The following RCBTB2 variants were observed in gnomAD, a reference collection of about 807,000 sequenced individuals.
RCBTB2 encodes the protein RCC1 and BTB domain-containing protein 2.
A neutral mutation model predicts 65.4 loss-of-function variants in RCBTB2; 55 were observed. That is an observed-to-expected ratio of 0.84 (90% CI 0.68 to 1.05). RCBTB2 has a LOEUF of 1.05. RCBTB2 is among the 50% of genes least tolerant of loss of function. The pLI is 0.00. For missense variants in RCBTB2, 599 were observed against 680.1 expected, an observed-to-expected ratio of 0.88 and a Z score of 1.33; for synonymous variants, 220 against 255.2, an observed-to-expected ratio of 0.86 and a Z score of 1.31.
chr13:48,502,214 C>T (rs1950268555), intron 11 of RCBTB2, among the ~76,000 whole-genome samples: 1 of 152,132 alleles, frequency 6.6e-6, no homozygotes, highest in Non-Finnish European at 1.5e-5. Context: ...AAGGATAGGG[C>T]ACAATGGCTC....
At chr13:48,498,077 C>T (rs1243310781) in intron 13 of RCBTB2, among the ~76,000 whole-genome samples, 2 of 152,180 alleles carry the variant, frequency 1.3e-5, no homozygotes, top group Non-Finnish European at 2.9e-5. Context: ...CTCCCTTAGA[C>T]CCCACCACCA....
intron 10 of RCBTB2, among the ~76,000 whole-genome samples, chr13:48,508,646 C>T (rs547563806): frequency 7.2e-5 from 11 of 152,286 alleles, no homozygotes; most frequent in African/African-American, 2.4e-5. Flanking sequence ...TCAGGTGATC[C>T]GCCCGCCTTG....
intron 14 of RCBTB2, among the ~76,000 whole-genome samples, chr13:48,493,053 C>T (rs1417530256): frequency 6.6e-6 from 1 of 152,086 alleles, no homozygotes; most frequent in Non-Finnish European, 1.5e-5. Context: ...GGGACAGAAC[C>T]TCCTCAGTCG....
At chr13:48,533,388 AT>A, upstream of RCBTB2, 1 of 251,854 alleles carries the variant, frequency 4.0e-6, no homozygotes, top group Non-Finnish European at 7.9e-6. Flanking sequence ...GTTCTCGCAA[AT>A]TTTGGGAATT....
At chr13:48,527,770 A>G (rs1449701337) in intron 1 of RCBTB2, among the ~76,000 whole-genome samples, 1 of 152,146 alleles carries the variant, frequency 6.6e-6, no homozygotes, top group Non-Finnish European at 1.5e-5. Flanking sequence ...CCTTATTTCT[A>G]TATATTCTAT....
chr13:48,500,751 G>A (rs1295633005), intron 12 of RCBTB2, among the ~76,000 whole-genome samples: 1 of 152,172 alleles, frequency 6.6e-6, no homozygotes, highest in Non-Finnish European at 1.5e-5. Flanking sequence ...TGACACTTTT[G>A]ATCTGGGATT....
chr13:48,517,571 G>A (rs972290393), intron 4 of RCBTB2, among the ~76,000 whole-genome samples: 2 of 152,162 alleles, frequency 1.3e-5, no homozygotes, highest in African/African-American at 4.8e-5. Flanking sequence ...GTCAGTAAAG[G>A]GAAGCTAGGA....
At chr13:48,510,898 A>G in intron 9 of RCBTB2, 127 bp from the exon 10 acceptor site, 1 of 925,108 alleles carries the variant, frequency 1.1e-6, no homozygotes, top group Non-Finnish European at 1.6e-6. Flanking sequence ...AGAGGCAAGC[A>G]TTAAGTTAAC....
upstream of RCBTB2, chr13:48,533,089 G>A (rs1952271947): frequency 6.7e-6 from 3 of 447,896 alleles, no homozygotes; most frequent in South Asian, 3.1e-5. Flanking sequence ...GCACGGTCAG[G>A]GGCCCGGCGC....
At position 48,501,743 on chromosome 13, in the gene RCBTB2, GA is replaced by G. The variant is rs1566271642; in HGVS notation, c.1242del (p.Arg415AspfsTer17). The G allele has an allele frequency of 6.2e-7, 1 of 1,608,748 alleles. No individual in the cohort carries two copies. The highest frequency in any genetic ancestry group is 1.1e-5 in the South Asian group (1 of 90,502). ...YIYAHKVLLK[I>X]RCEHFRSSLE... ...ATTCTCAAATAAATGATTCCTTACC[GA>G]ATCTTGAGAAGGACTTTATGTGCAT... is the stretch of plus-strand genomic sequence containing the variant. On this transcript the variant is annotated frameshift_variant and splice_region_variant, in exon 12 of 15. Transcript: ENST00000344532. LOFTEE classifies it high-confidence loss of function.
chr13:48,493,339 TC>T (rs1208184298), intron 14 of RCBTB2, among the ~76,000 whole-genome samples: 1 of 137,290 alleles, frequency 7.3e-6, no homozygotes, highest in African/African-American at 3.1e-5. Context: ...TCTCTCTCTC[TC>T]TTCTCTTCTC....
intron 14 of RCBTB2, among the ~76,000 whole-genome samples, chr13:48,490,507 T>C (rs1949652156): frequency 6.6e-6 from 1 of 152,234 alleles, no homozygotes; most frequent in Non-Finnish European, 1.5e-5. Context: ...AATCTAACTT[T>C]TTCTTCCCAG....
chr13:48,503,001 G>T, intron 10 of RCBTB2, 87 bp from the exon 11 acceptor site: 1 of 1,338,414 alleles, frequency 7.5e-7, no homozygotes, highest in Non-Finnish European at 9.9e-7. Context: ...AACTGATGTG[G>T]GACATCATAA....
intron 14 of RCBTB2, among the ~76,000 whole-genome samples, 175 bp from the exon 15 acceptor site, chr13:48,490,426 T>C (rs998287463): frequency 1.3e-5 from 2 of 152,186 alleles, no homozygotes; most frequent in Non-Finnish European, 2.9e-5. Flanking sequence ...CAAGTATGAA[T>C]CATCTATGCT....
chr13:48,533,282 C>T (rs2138691609), upstream of RCBTB2: 1 of 311,270 alleles, frequency 3.2e-6, no homozygotes, highest in South Asian at 2.3e-5. Context: ...GACGCCCCCT[C>T]CCCTCGGAGT....
intron 13 of RCBTB2, among the ~76,000 whole-genome samples, chr13:48,499,142 ACTCTCTCTCTCTCTCT>A (rs568053175): frequency 7.6e-6 from 1 of 132,288 alleles, no homozygotes; most frequent in African/African-American, 2.9e-5. Context: ...ACACACACAC[ACTCTCTCTCTCTCTCT>A]CTCTCTCTCT....
rs114454627 is a variant in RCBTB2, at chr13:48,530,685, T to C, written c.-219+2343A>G. 6.8e-3 allele frequency among the ~76,000 whole-genome samples: 1,031 copies of C among 152,358 alleles called. 21 individuals are homozygous for C. Among genetic ancestry groups the C allele is most frequent in the African/African-American group, 0.024 (988 of 41,594 alleles). On this transcript the variant is annotated intron_variant, in intron 1 of 14. Transcript: ENST00000344532. ...CATTTAGAAGCAATTGCAAAAACTG[T>C]GGAGACAACGTACAGTTTTTCTCAG...
chr13:48,525,579 C>G (rs117750847), intron 1 of RCBTB2, among the ~76,000 whole-genome samples: 1 of 151,418 alleles, frequency 6.6e-6, no homozygotes, highest in African/African-American at 2.4e-5. Context: ...AAAGAAAATG[C>G]TGATCTCAGC....
At position 48,512,178 on chromosome 13, in the gene RCBTB2, T is replaced by C; in HGVS notation, c.517-4A>G. ...TATTATAACCCCAGGCAAATACCTG[T>C]TTAAAGGAAAGATCAGTAAATGAAA... On this transcript the variant is annotated splice_region_variant and splice_polypyrimidine_tract_variant and intron_variant, in intron 7 of 14. Coordinates refer to ENST00000344532, the MANE Select transcript of RCBTB2 (RefSeq NM_001268.4). The C allele has an allele frequency of 6.2e-7, 1 of 1,609,756 alleles. No homozygotes were observed. Among genetic ancestry groups the C allele is most frequent in the Non-Finnish European group, 8.5e-7 (1 of 1,176,508 alleles).
Sources: gnomAD v4.1 joint callset for allele counts (sites outside exome capture counted in the v4.1 genomes callset) on GRCh38, gnomAD v4.1.1 for gene constraint, MANE v1.5 for transcripts, NCBI Gene and HGNC (gene_info 2026-07-23, HGNC 2026-07-21) for gene names.